Variants in SYBU observed in about 807,000 individuals in gnomAD.
SYBU encodes GOLSYN A protein.
Under a neutral mutation model 35.9 loss-of-function variants are expected in SYBU, and 21 were observed. The observed-to-expected ratio is 0.58, with a 90% CI of 0.41 to 0.84. The LOEUF is 0.84. Ranked by LOEUF, SYBU falls within the 40% of genes least tolerant of loss-of-function variation. SYBU has a pLI of 0.00. For missense variants in SYBU, 768 were observed against 848.2 expected (o/e 0.91, Z 1.17); for synonymous variants, 319 against 324.3 (o/e 0.98, Z 0.18).
At chr8:109,667,216 A>G (rs1320419781) in intron 1 of SYBU, among the ~76,000 whole-genome samples, 2 of 152,126 alleles carry the variant, frequency 1.3e-5, no homozygotes, top group African/African-American at 4.8e-5. Context: ...TCCCGGGTTC[A>G]GGCCATTCTC....
chr8:109,678,134 C>CAAAAAAAAAAAAAAAAAAAAA (rs758399888), intron 1 of SYBU, among the ~76,000 whole-genome samples: 1 of 43,156 alleles, frequency 2.3e-5, no homozygotes, highest in Admixed American at 3.0e-4. Context: ...AACTCCACCT[C>CAAAAAAAAAAAAAAAAAAAAA]AAAAAAAAAA....
chr8:109,597,103 C>G lies in SYBU; in HGVS notation c.428-10941G>C, dbSNP rs148649832. ...AATAGCCCTCAAAGATCAGGAATTA[C>G]GTGATGCCCTGTTGAGTTTGGCTTA... On this transcript the variant is annotated intron_variant, in intron 3 of 6. Transcript: ENST00000276646. Among the ~76,000 whole-genome samples, 34 of 152,240 alleles carry G rather than the reference C, an allele frequency of 2.2e-4. No homozygotes were observed. The East Asian group carries it at 6.6e-3, about 29-fold the overall frequency.
chr8:109,674,736 A>C (rs564325070), intron 1 of SYBU, among the ~76,000 whole-genome samples: 48 of 152,308 alleles, frequency 3.2e-4, no homozygotes, highest in South Asian at 2.7e-3. Flanking sequence ...GAGATCAACA[A>C]GACACAAAAT....
intron 3 of SYBU, chr8:109,603,371 C>G: frequency 2.0e-6 from 2 of 983,612 alleles, no homozygotes; most frequent in Non-Finnish European, 2.4e-6. Flanking sequence ...GGATTTTGCT[C>G]TGCTCACAAA....
At chr8:109,659,024 A>G (rs1816466345) in intron 1 of SYBU, among the ~76,000 whole-genome samples, 1 of 152,150 alleles carries the variant, frequency 6.6e-6, no homozygotes, top group Non-Finnish European at 1.5e-5. Context: ...GCCTCTTTAA[A>G]ACTCAATAAT....
intron 3 of SYBU, among the ~76,000 whole-genome samples, chr8:109,591,075 C>T (rs1257483253): frequency 6.6e-6 from 1 of 152,176 alleles, no homozygotes; most frequent in African/African-American, 2.4e-5. Flanking sequence ...ACCTAGTTGT[C>T]CATCGACAGT....
chr8:109,667,171 C>T (rs112200795), intron 1 of SYBU, among the ~76,000 whole-genome samples: 30 of 152,196 alleles, frequency 2.0e-4, no homozygotes, highest in African/African-American at 7.0e-4. Context: ...GGCTGGAGTG[C>T]AGTGGTGTGA....
In SYBU at chr8:109,579,915, G is replaced by A; in HGVS notation, c.618C>T (p.Ser206=). 2 of 1,614,028 alleles carry A rather than the reference G, an allele frequency of 1.2e-6. No individual in the cohort carries two copies. The highest frequency in any genetic ancestry group is 1.7e-6 in the Non-Finnish European group (2 of 1,180,008). ...PSSPREKDLL[S]MLCRNQLSPV... ...GGCTCAGCTGATTCCTGCACAGCAT[G>A]GACAGAAGGTCCTTTTCCCGCGGGG... Residue 206 remains serine (S), a synonymous_variant, in exon 5 of 7, where the codon TCC becomes TCT. Transcript: ENST00000276646.
intron 3 of SYBU, among the ~76,000 whole-genome samples, chr8:109,586,821 G>A (rs1586747413): frequency 6.6e-6 from 1 of 152,182 alleles, no homozygotes; most frequent in Non-Finnish European, 1.5e-5. Context: ...GCTTCAGGGT[G>A]GGATTACAGG....
At chr8:109,655,806 T>G (rs1232502034) in intron 1 of SYBU, among the ~76,000 whole-genome samples, 1 of 152,130 alleles carries the variant, frequency 6.6e-6, no homozygotes, top group African/African-American at 2.4e-5. Context: ...CAGGATAATG[T>G]GTAGTTTCAA....
chr8:109,689,832 GAAAAAA>G (rs544879954), intron 1 of SYBU, among the ~76,000 whole-genome samples: 115 of 102,716 alleles, frequency 1.1e-3, no homozygotes, highest in East Asian at 5.0e-3. Context: ...ACTACAATAT[GAAAAAA>G]AAAAAAAAAA....
intron 1 of SYBU, among the ~76,000 whole-genome samples, chr8:109,658,539 C>T (rs1816441095): frequency 6.6e-6 from 1 of 152,184 alleles, no homozygotes; most frequent in Non-Finnish European, 1.5e-5. Context: ...AATGAAGGAC[C>T]TTTCCTGCTT....
intron 1 of SYBU, among the ~76,000 whole-genome samples, chr8:109,668,419 T>C (rs575098472): frequency 9.8e-5 from 15 of 152,324 alleles, no homozygotes; most frequent in Non-Finnish European, 1.9e-4. Context: ...AGAAGGAAAC[T>C]GGCTAGGTAA....
chr8:109,584,315 C>T lies in SYBU; in HGVS notation c.530+1745G>A, dbSNP rs114749563. On this transcript the variant is annotated intron_variant, in intron 4 of 6. Coordinates refer to ENST00000276646, the MANE Select transcript of SYBU (RefSeq NM_001099754.2). This position sits in a 1 kb window ranked among gnomAD's most constrained non-coding sequence, Gnocchi z 4.0. ...TCAAATTTTGACCATGAATTCTAGACTAGAATATTTTCTCTTAGTCACTCT... is the reference window on the plus strand; with the variant it reads ...TCAAATTTTGACCATGAATTCTAGATTAGAATATTTTCTCTTAGTCACTCT... 7.1e-3 allele frequency among the ~76,000 whole-genome samples: 1,087 copies of T among 152,272 alleles called. 8 individuals carry two copies. The highest frequency in any genetic ancestry group is 0.025 in the African/African-American group (1,031 of 41,542).
At chr8:109,671,315 T>A (rs964327602) in intron 1 of SYBU, among the ~76,000 whole-genome samples, 3 of 150,978 alleles carry the variant, frequency 2.0e-5, no homozygotes, top group African/African-American at 7.4e-5. Context: ...TTCATAAGCT[T>A]CTTATTCATT....
At chr8:109,645,208 C>A, upstream of SYBU, 1 of 456,842 alleles carries the variant, frequency 2.2e-6, no homozygotes, top group South Asian at 1.5e-5. Flanking sequence ...CTGGCCACCC[C>A]TCCTTGGCCT....
At chr8:109,606,308 T>C (rs1826060887) in intron 3 of SYBU, among the ~76,000 whole-genome samples, 1 of 152,232 alleles carries the variant, frequency 6.6e-6, no homozygotes, top group Admixed American at 6.5e-5. Context: ...GTAATCACAA[T>C]ACAATAGAAG....
intron 1 of SYBU, among the ~76,000 whole-genome samples, chr8:109,679,706 A>G (rs546122782): frequency 7.9e-5 from 12 of 152,346 alleles, no homozygotes; most frequent in African/African-American, 2.9e-4. Context: ...GACAGTAACA[A>G]TAATTACCTC....
At position 109,575,635 on chromosome 8, in the gene SYBU, C is replaced by T. The variant is rs750027113; in HGVS notation, c.1263G>A (p.Thr421=). The T allele has an allele frequency of 5.6e-6, 9 of 1,613,976 alleles. No individual in the cohort carries two copies. Among genetic ancestry groups the T allele is most frequent in the African/African-American group, 5.3e-5 (4 of 74,884 alleles). Residue 421 remains threonine (T), a synonymous_variant, in exon 7 of 7, where the codon ACG becomes ACA. Coordinates refer to ENST00000276646, the MANE Select transcript of SYBU (RefSeq NM_001099754.2). ...ADGLSLEEQV[T]GEGADRELLV... ...GTAGCTCCCTGTCAGCCCCTTCCCC[C>T]GTGACCTGCTCTTCCAGAGATAACC...
Sources: allele counts gnomAD v4.1 joint callset (sites outside exome capture counted in the v4.1 genomes callset), GRCh38; gene constraint gnomAD v4.1.1; non-coding constraint Gnocchi (gnomAD v3.1); transcripts MANE v1.5; gene names NCBI Gene and HGNC (gene_info 2026-07-23, HGNC 2026-07-21).